Variants in ADAMTS20 observed in about 807,000 individuals in gnomAD.
The protein encoded by ADAMTS20 is A disintegrin and metalloproteinase with thrombospondin motifs 20.
In ADAMTS20, 225 loss-of-function variants were observed where a neutral mutation model predicts 260.1. The ratio of observed to expected loss-of-function variants is 0.87; its 90% CI spans 0.78 to 0.97. ADAMTS20 has a LOEUF of 0.97. ADAMTS20 is among the 50% of genes least tolerant of loss of function. The pLI, the probability that ADAMTS20 is intolerant of heterozygous loss-of-function variation, is 0.00. For missense variants in ADAMTS20, 2,400 were observed against 2,337.7 expected (o/e 1.03, Z -0.55); for synonymous variants, 802 against 769.5 (o/e 1.04, Z -0.70).
Position 43,430,460 on chromosome 12 carries a change from T to C in ADAMTS20, c.3273A>G (p.Thr1091=). ...CTCGCATCTGATACCCATGTCCACATGTGGTTGTGCACTGAAAGAAGAATA... is the reference window on the plus strand; with the variant it reads ...CTCGCATCTGATACCCATGTCCACACGTGGTTGTGCACTGAAAGAAGAATA... ...QVGPWGPCTT[T]CGHGYQMRDV... is the part of the protein sequence containing the mutation. The change falls in exon 23 of 39, where the codon ACA becomes ACG. Residue 1091 remains threonine (T), a synonymous_variant. Coordinates refer to ENST00000389420, the MANE Select transcript of ADAMTS20 (RefSeq NM_025003.5). 1 of 1,612,464 alleles carries C rather than the reference T, an allele frequency of 6.2e-7. No homozygotes were observed. The highest frequency in any genetic ancestry group is 8.5e-7 in the Non-Finnish European group (1 of 1,179,044).
In ADAMTS20 at chr12:43,383,434, T is replaced by C. The variant is rs1029695362; in HGVS notation, c.4797+124A>G. On this transcript the variant is annotated intron_variant, in intron 31 of 38. Transcript: ENST00000389420. ...ACTGTCAGTGGTCTCATTCCTTAGA[T>C]TGATATGCATACCATCATCTGCCCT... is the stretch of plus-strand genomic sequence containing the variant. 1.2e-5 allele frequency: 11 copies of C among 912,110 alleles called. No homozygotes were observed. In the African/African-American group the frequency reaches 1.3e-4, roughly 11 times the overall value. The allele number at this position is 912,110 out of a possible 1,614,324, so 56.5% of individuals were successfully genotyped here.
intron 11 of ADAMTS20, among the ~76,000 whole-genome samples, chr12:43,460,988 A>ATATATATATATATTT: frequency 1.1e-4 from 3 of 26,388 alleles, no homozygotes; most frequent in Non-Finnish European, 2.0e-4. Flanking sequence ...ATATATATAT[A>ATATATATATATATTT]TTTTTTTTTT....
intron 7 of ADAMTS20, among the ~76,000 whole-genome samples, chr12:43,478,937 C>T (rs1165068173): frequency 6.6e-6 from 1 of 152,068 alleles, no homozygotes; most frequent in African/African-American, 2.4e-5. Flanking sequence ...CAACTGGTGC[C>T]TGAAGTAAGG....
chr12:43,550,339 G>T (rs1943495258), intron 2 of ADAMTS20, among the ~76,000 whole-genome samples: 1 of 152,134 alleles, frequency 6.6e-6, no homozygotes, highest in Non-Finnish European at 1.5e-5. Flanking sequence ...GATCTCTGTA[G>T]GTAGACTGTT....
At chr12:43,442,746 C>G (rs528007678) in intron 16 of ADAMTS20, among the ~76,000 whole-genome samples, 1 of 152,106 alleles carries the variant, frequency 6.6e-6, no homozygotes, top group African/African-American at 2.4e-5. Context: ...ATGTAAAAGG[C>G]TAATAAATCA....
At chr12:43,525,269 A>G (rs770671405) in intron 3 of ADAMTS20, among the ~76,000 whole-genome samples, 1 of 152,220 alleles carries the variant, frequency 6.6e-6, no homozygotes, top group Non-Finnish European at 1.5e-5. Flanking sequence ...ACAATTTTGT[A>G]TCCAACAATA....
intron 28 of ADAMTS20, among the ~76,000 whole-genome samples, chr12:43,417,180 G>C (rs1473008): frequency 6.6e-6 from 1 of 151,924 alleles, no homozygotes; most frequent in Admixed American, 6.6e-5. Flanking sequence ...TGGCAGTGCA[G>C]TGGCCATGAT....
At chr12:43,514,086 TAAAAAAA>T (rs71091163) in intron 3 of ADAMTS20, among the ~76,000 whole-genome samples, 149 of 100,530 alleles carry the variant, frequency 1.5e-3, no homozygotes, top group South Asian at 3.4e-3. Flanking sequence ...GAATAAACTC[TAAAAAAA>T]AAAAAAAAAA....
Position 43,551,129 on chromosome 12 carries a change from G to T in ADAMTS20, c.233C>A (p.Thr78Asn). Reference sequence around the variant, plus strand: ...CCCGTAGGCAGTGAAGCGATAGTGGGTTCGGAACGGCATGGGTTCCAGCGC... The same window carrying T: ...CCCGTAGGCAGTGAAGCGATAGTGGTTTCGGAACGGCATGGGTTCCAGCGC... Reference protein sequence around the residue: ...SEALEPMPFRTHYRFTAYGQL... With the variant: ...SEALEPMPFRNHYRFTAYGQL... The change falls in exon 2 of 39, where the codon ACC (threonine) becomes AAC (asparagine). Residue 78 changes from threonine (T) to asparagine (N), a missense_variant. Coordinates refer to ENST00000389420, the MANE Select transcript of ADAMTS20 (RefSeq NM_025003.5). This position sits in a 1 kb window ranked among gnomAD's most constrained non-coding sequence, Gnocchi z 4.6. 2 of 1,613,968 alleles carry T rather than the reference G, an allele frequency of 1.2e-6. No individual in the cohort carries two copies. The highest frequency in any genetic ancestry group is 1.7e-6 in the Non-Finnish European group (2 of 1,179,886).
At chr12:43,487,715 C>G (rs760905669) in intron 7 of ADAMTS20, among the ~76,000 whole-genome samples, 3 of 152,106 alleles carry the variant, frequency 2.0e-5, no homozygotes, top group Non-Finnish European at 2.9e-5. Context: ...GAGAACTTGA[C>G]ATGCTGATTC....
At chr12:43,395,918 A>C (rs190815942) in intron 29 of ADAMTS20, among the ~76,000 whole-genome samples, 1 of 152,156 alleles carries the variant, frequency 6.6e-6, no homozygotes, top group African/African-American at 2.4e-5. Context: ...GCACTAAAGT[A>C]AGTAGATGGG....
chr12:43,532,375 A>G (rs1160079753), intron 2 of ADAMTS20, among the ~76,000 whole-genome samples, 180 bp from the exon 3 acceptor site: 1 of 152,118 alleles, frequency 6.6e-6, no homozygotes, highest in Non-Finnish European at 1.5e-5. Flanking sequence ...CTCCACTCCT[A>G]TACATAAAGT....
chr12:43,461,967 A>G (rs1032417873), intron 11 of ADAMTS20, among the ~76,000 whole-genome samples: 1 of 152,240 alleles, frequency 6.6e-6, no homozygotes, highest in Non-Finnish European at 1.5e-5. Flanking sequence ...CAAAACTTGA[A>G]GTTCCAAATA....
intron 28 of ADAMTS20, among the ~76,000 whole-genome samples, chr12:43,422,173 C>A (rs1482228131): frequency 6.6e-6 from 1 of 152,004 alleles, no homozygotes; most frequent in Non-Finnish European, 1.5e-5. Flanking sequence ...CTTTCTACAA[C>A]ATGAAGAAAA....
intron 7 of ADAMTS20, among the ~76,000 whole-genome samples, chr12:43,484,159 G>A (rs1443459797): frequency 2.0e-5 from 3 of 152,044 alleles, no homozygotes; most frequent in Non-Finnish European, 4.4e-5. Context: ...GGGGAAAAAT[G>A]AAATTCTTAA....
intron 36 of ADAMTS20, among the ~76,000 whole-genome samples, 200 bp from the exon 37 acceptor site, chr12:43,369,581 G>A (rs1280763611): frequency 6.6e-6 from 1 of 151,966 alleles, no homozygotes; most frequent in East Asian, 1.9e-4. Context: ...ATATAAAAAT[G>A]TTCATATCAT....
chr12:43,436,610 C>A (rs1941560570), intron 18 of ADAMTS20, among the ~76,000 whole-genome samples: 1 of 152,082 alleles, frequency 6.6e-6, no homozygotes, highest in African/African-American at 2.4e-5. Flanking sequence ...AATAGATTAG[C>A]CACACATGGC....
chr12:43,468,606 C>A lies in ADAMTS20; in HGVS notation c.1217G>T (p.Gly406Val). 6.3e-7 allele frequency: 1 copy of A among 1,598,466 alleles called. No homozygotes were observed. The highest frequency in any genetic ancestry group is 8.5e-7 in the Non-Finnish European group (1 of 1,170,766). The change falls in exon 8 of 39, where the codon GGG (glycine) becomes GTG (valine). Residue 406 changes from glycine to valine, a missense_variant. By Grantham distance (109) the Gly-to-Val change is moderately radical (BLOSUM62 -3). Coordinates refer to ENST00000389420, the MANE Select transcript of ADAMTS20 (RefSeq NM_025003.5). ...GGTGACAGAAGGTACTTACGTGTGC[C>A]CAAGCTCATGGGCTATAGTAAAAGC... is the stretch of plus-strand genomic sequence containing the variant. Reference protein sequence around the residue: ...ISAFTIAHELGHTLGVQHDDN... With the variant: ...ISAFTIAHELVHTLGVQHDDN...
intron 3 of ADAMTS20, among the ~76,000 whole-genome samples, chr12:43,513,812 CA>C (rs1036965214): frequency 2.5e-4 from 37 of 149,604 alleles, no homozygotes; most frequent in African/African-American, 8.4e-4. Context: ...ATTGCAAGGA[CA>C]AAAAAACAAA....
Sources: allele counts gnomAD v4.1 joint callset (sites outside exome capture counted in the v4.1 genomes callset), GRCh38; gene constraint gnomAD v4.1.1; non-coding constraint Gnocchi (gnomAD v3.1); transcripts MANE v1.5; gene names NCBI Gene and HGNC (gene_info 2026-07-23, HGNC 2026-07-21).